Variants in CDKL4 observed in about 807,000 individuals in gnomAD.
CDKL4 encodes cyclin-dependent kinase-like 4.
Under a neutral mutation model 42.0 loss-of-function variants are expected in CDKL4, and 44 were observed. The observed-to-expected ratio is 1.05, with a 90% CI of 0.82 to 1.35. The LOEUF is 1.35. Among genes scored for constraint, CDKL4 ranks in the 40% most tolerant of loss-of-function variants. The pLI, the probability that CDKL4 is intolerant of heterozygous loss-of-function variation, is 0.00. For missense variants in CDKL4, 393 were observed against 369.9 expected, an observed-to-expected ratio of 1.06 and a Z score of -0.51; for synonymous variants, 120 against 121.6, an observed-to-expected ratio of 0.99 and a Z score of 0.09.
At chr2:39,169,492 C>T in the CDKL4 span, among the ~76,000 whole-genome samples, 1 of 152,100 alleles carries the variant, frequency 6.6e-6, no homozygotes, top group South Asian at 2.1e-4. Flanking sequence ...ACAATTTTAT[C>T]TTGGTGTTGT....
At chr2:39,209,152 T>TAAAA (rs1558566471) in intron 4 of CDKL4, among the ~76,000 whole-genome samples, 17 of 148,340 alleles carry the variant, frequency 1.1e-4, no homozygotes, top group East Asian at 2.0e-4. Context: ...AAAAAAAAAT[T>TAAAA]TTTTTTTTAA....
intron 9 of CDKL4, among the ~76,000 whole-genome samples, chr2:39,176,851 G>A (rs1180600589): frequency 6.6e-6 from 1 of 152,174 alleles, no homozygotes; most frequent in African/African-American, 2.4e-5. Flanking sequence ...ACTTTTTTCT[G>A]TAACATTTAT....
At chr2:39,180,809 GC>G (rs1675397891) in intron 8 of CDKL4, among the ~76,000 whole-genome samples, 2 of 150,610 alleles carry the variant, frequency 1.3e-5, no homozygotes, top group African/African-American at 4.9e-5. Flanking sequence ...TCATGCCTCA[GC>G]CTCCCAAATA....
rs57132937 is a variant in CDKL4, at chr2:39,243,113, CAAAAAAAAAAAAAAAAAAA to C, written c.-57+739_-57+757del. On this transcript the variant is annotated intron_variant, in intron 1 of 9. Transcript: ENST00000451199. ...TGGGGAACAAAGTGAGACCCTGTCT[CAAAAAAAAAAAAAAAAAAA>C]AAAAAAAAAAAAAAAAAAAGGAATG... is the stretch of plus-strand genomic sequence containing the variant. 3.4e-4 allele frequency among the ~76,000 whole-genome samples: 13 copies of C among 38,442 alleles called. No individual in the cohort carries two copies. In the South Asian group the frequency reaches 5.9e-3, roughly 17 times the overall value. 25.2% of individuals were successfully genotyped at this position (38,442 alleles called of 152,430 possible). A position where few individuals can be genotyped will look rare whatever the true frequency, so the allele number is the denominator to read the frequency against.
exon 2 of CDKL4, chr2:39,229,458 G>A (rs56089528): frequency 1.2e-6 from 2 of 1,613,326 alleles, no homozygotes; most frequent in Non-Finnish European, 1.7e-6. Flanking sequence ...CTTGTCCAGA[G>A]GTTTTGTTTC....
At chr2:39,207,708 T>C (rs1293782859) in intron 4 of CDKL4, among the ~76,000 whole-genome samples, 1 of 152,208 alleles carries the variant, frequency 6.6e-6, no homozygotes, top group Non-Finnish European at 1.5e-5. Flanking sequence ...AGTATTGACA[T>C]ATTCCAAAGA....
At chr2:39,198,575 A>G (rs931629421) in intron 5 of CDKL4, among the ~76,000 whole-genome samples, 7 of 152,190 alleles carry the variant, frequency 4.6e-5, no homozygotes, top group Non-Finnish European at 1.0e-4. Context: ...CTGCCAAGAT[A>G]GACCATATAA....
chr2:39,222,593 A>G (rs565745958), intron 3 of CDKL4, among the ~76,000 whole-genome samples: 1 of 151,986 alleles, frequency 6.6e-6, no homozygotes, highest in African/African-American at 2.4e-5. Flanking sequence ...CTGTCTCTAA[A>G]TAAATAAATA....
chr2:39,207,976 C>T (rs919723276), intron 4 of CDKL4, among the ~76,000 whole-genome samples: 1 of 152,030 alleles, frequency 6.6e-6, no homozygotes, highest in African/African-American at 2.4e-5. Context: ...GTTGTGGGTA[C>T]CTGTAATCCC....
intron 3 of CDKL4, among the ~76,000 whole-genome samples, chr2:39,218,017 G>C (rs1297602874): frequency 6.6e-6 from 1 of 152,076 alleles, no homozygotes; most frequent in Admixed American, 6.5e-5. Context: ...ACAGGCGTGA[G>C]CCACTGCGCC....
chr2:39,220,990 T>TTG (rs1678299632), intron 3 of CDKL4, among the ~76,000 whole-genome samples: 5 of 45,192 alleles, frequency 1.1e-4, no homozygotes, highest in Admixed American at 4.3e-4. Context: ...TTTTTTTTTT[T>TTG]TTTTTTTTTT....
At chr2:39,189,401 G>A (rs934682180) in intron 6 of CDKL4, among the ~76,000 whole-genome samples, 6 of 152,126 alleles carry the variant, frequency 3.9e-5, no homozygotes, top group Admixed American at 1.3e-4. Flanking sequence ...CTGTTTCCTC[G>A]TTTATAACAT....
At chr2:39,184,760 T>C in intron 7 of CDKL4, 113 bp from the exon 8 acceptor site, 1 of 672,914 alleles carries the variant, frequency 1.5e-6, no homozygotes, top group Non-Finnish European at 2.6e-6. Flanking sequence ...TTAGAGATAC[T>C]GTCTCCCTCT....
chr2:39,179,239 G>C, exon 9 of CDKL4: 1 of 1,613,368 alleles, frequency 6.2e-7, no homozygotes, highest in Non-Finnish European at 8.5e-7. Flanking sequence ...TTTAATTTGG[G>C]CCTCTTGAAA....
downstream of CDKL4, among the ~76,000 whole-genome samples, chr2:39,171,131 C>T (rs995292079): frequency 3.3e-5 from 5 of 151,240 alleles, no homozygotes; most frequent in African/African-American, 1.2e-4. Flanking sequence ...CCCAGCTATT[C>T]GGGAGGCTGA....
At chr2:39,237,701 A>G (rs1179362401) in intron 1 of CDKL4, among the ~76,000 whole-genome samples, 1 of 152,204 alleles carries the variant, frequency 6.6e-6, no homozygotes, top group Non-Finnish European at 1.5e-5. Context: ...TATAAAATAA[A>G]TAGTTATTAA....
chr2:39,203,870 C>T (rs1452976161), intron 5 of CDKL4, among the ~76,000 whole-genome samples: 2 of 152,150 alleles, frequency 1.3e-5, no homozygotes, highest in East Asian at 3.8e-4. Context: ...TTTGTTTTTG[C>T]CCAACCCTTC....
At chr2:39,214,570 G>A (rs1245935665) in intron 3 of CDKL4, among the ~76,000 whole-genome samples, 1 of 152,124 alleles carries the variant, frequency 6.6e-6, no homozygotes, top group Non-Finnish European at 1.5e-5. Flanking sequence ...ACCTTCTTAA[G>A]GTAAGTTCTA....
intron 4 of CDKL4, among the ~76,000 whole-genome samples, chr2:39,209,450 ATAT>A (rs1240379364): frequency 6.6e-6 from 1 of 152,146 alleles, no homozygotes; most frequent in Non-Finnish European, 1.5e-5. Flanking sequence ...CACTCTAGTG[ATAT>A]TATAGGGTAA....
Sources: gnomAD v4.1 joint callset for allele counts (sites outside exome capture counted in the v4.1 genomes callset) on GRCh38, gnomAD v4.1.1 for gene constraint, MANE v1.5 for transcripts, NCBI Gene and HGNC (gene_info 2026-07-23, HGNC 2026-07-21) for gene names.